The following BTBD8 variants were observed in gnomAD, a reference collection of about 807,000 sequenced individuals.
The protein encoded by BTBD8 is BTB/POZ domain-containing protein 8.
A neutral mutation model predicts 162.9 loss-of-function variants in BTBD8; 110 were observed. That is an observed-to-expected ratio of 0.68 (90% CI 0.58 to 0.79). The LOEUF is 0.79. Ranked by LOEUF, BTBD8 falls within the 30% of genes least tolerant of loss-of-function variation. The probability of loss-of-function intolerance (pLI) is 0.00; values close to 1 mark genes in which losing one functional copy is unlikely to be tolerated. For synonymous variants in BTBD8, 667 were observed against 716.1 expected, an observed-to-expected ratio of 0.93 and a Z score of 1.10; for missense variants, 1,905 against 2,085.4, an observed-to-expected ratio of 0.91 and a Z score of 1.68.
chr1:92,124,128 G>C lies in BTBD8; in HGVS notation c.663-5559G>C, dbSNP rs376235891. Among the ~76,000 whole-genome samples, 7 of 152,292 alleles carry C rather than the reference G, an allele frequency of 4.6e-5. No individual in the cohort carries two copies. The East Asian group carries it at 7.7e-4, about 17-fold the overall frequency. ...CTTCCAGCTGTTGCTTTTGCTTTCA[G>C]ATTTGGCAATTGCCTCAATGGAAAA... On this transcript the variant is annotated intron_variant, in intron 4 of 17. Transcript: ENST00000636805.
At chr1:92,136,993 A>C (rs1489627578) in intron 5 of BTBD8, among the ~76,000 whole-genome samples, 1 of 152,214 alleles carries the variant, frequency 6.6e-6, no homozygotes, top group Non-Finnish European at 1.5e-5. Context: ...ATAAAAAGCC[A>C]CATGTCTTGT....
chr1:92,184,692 T>G lies in BTBD8; in HGVS notation c.*362T>G, dbSNP rs1403413166. 1 of 159,582 alleles carries G rather than the reference T, an allele frequency of 6.3e-6. No individual in the cohort carries two copies. The allele number at this position is 159,582 out of a possible 1,614,324, so 9.9% of individuals were successfully genotyped here. On this transcript the variant is annotated 3_prime_UTR_variant, in exon 18 of 18. Coordinates refer to ENST00000636805, the MANE Select transcript of BTBD8 (RefSeq NM_001376131.1). ...GCTCTGCATAGGGTAACATAGTAATTTAACAATAAAAACTTACCGTGCTTG... is the reference window on the plus strand; with the variant it reads ...GCTCTGCATAGGGTAACATAGTAATGTAACAATAAAAACTTACCGTGCTTG...
intron 17 of BTBD8, 73 bp from the exon 18 acceptor site, chr1:92,183,791 G>A: frequency 1.4e-6 from 1 of 709,498 alleles, no homozygotes; most frequent in Non-Finnish European, 2.1e-6. Flanking sequence ...GTTATATTGT[G>A]TTAATATTCT....
intron 5 of BTBD8, among the ~76,000 whole-genome samples, chr1:92,131,069 A>G (rs1443587496): frequency 1.3e-5 from 2 of 152,226 alleles, no homozygotes; most frequent in South Asian, 2.1e-4. Context: ...TCAAATTAAT[A>G]GCAGTTCATA....
At chr1:92,086,211 A>G (rs922743078) in intron 1 of BTBD8, among the ~76,000 whole-genome samples, 3 of 152,118 alleles carry the variant, frequency 2.0e-5, no homozygotes, top group African/African-American at 7.2e-5. Context: ...CCCGGATTCC[A>G]TCCAAGCCAC....
At chr1:92,123,721 G>A (rs1270839820) in intron 4 of BTBD8, among the ~76,000 whole-genome samples, 2 of 139,774 alleles carry the variant, frequency 1.4e-5, no homozygotes, top group Non-Finnish European at 3.0e-5. Context: ...AGCTTGCAGT[G>A]AGCCAAGATC....
At chr1:92,126,933 A>C (rs1301160050) in intron 4 of BTBD8, among the ~76,000 whole-genome samples, 1 of 152,160 alleles carries the variant, frequency 6.6e-6, no homozygotes, top group Non-Finnish European at 1.5e-5. Flanking sequence ...GATACAGAAA[A>C]ATCTTAATAT....
chr1:92,173,948 TTTG>T (rs561027325), intron 13 of BTBD8, among the ~76,000 whole-genome samples: 4 of 151,818 alleles, frequency 2.6e-5, no homozygotes, highest in Non-Finnish European at 5.9e-5. Context: ...GTTTGTTTGT[TTTG>T]TTGTGGTGGT....
intron 9 of BTBD8, among the ~76,000 whole-genome samples, chr1:92,149,032 A>G (rs1029214728): frequency 1.3e-5 from 2 of 152,212 alleles, no homozygotes; most frequent in Non-Finnish European, 2.9e-5. Flanking sequence ...ATAAGAAACT[A>G]TGAACAGTGA....
At position 92,089,642 on chromosome 1, in the gene BTBD8, C is replaced by T. The variant is rs114955083; in HGVS notation, c.347+747C>T. ...GAAGATAGCGTCTTCTCTGTGCCCT[C>T]ACATGGCAAAAGAGATAAACAAACT... On this transcript the variant is annotated intron_variant, in intron 2 of 17. Transcript: ENST00000636805. Among the ~76,000 whole-genome samples the T allele has an allele frequency of 6.4e-3, 979 of 152,248 alleles. 8 individuals carry two copies. The highest frequency in any genetic ancestry group is 0.024 in the Middle Eastern group (7 of 294).
At chr1:92,082,950 CT>C (rs772337709) in intron 1 of BTBD8, among the ~76,000 whole-genome samples, 5 of 152,002 alleles carry the variant, frequency 3.3e-5, no homozygotes, top group Non-Finnish European at 5.9e-5. Context: ...TGAGGTAAGT[CT>C]TGTTATTCTC....
intron 4 of BTBD8, among the ~76,000 whole-genome samples, chr1:92,109,890 T>C (rs1451024959): frequency 6.6e-6 from 1 of 152,232 alleles, no homozygotes; most frequent in African/African-American, 2.4e-5. Flanking sequence ...TTTTTAATTA[T>C]ACATACTTAT....
chr1:92,135,023 C>A (rs937015089), intron 5 of BTBD8, among the ~76,000 whole-genome samples: 1 of 151,640 alleles, frequency 6.6e-6, no homozygotes, highest in African/African-American at 2.4e-5. Context: ...TCCTGAGTAG[C>A]TGGGATTACA....
intron 1 of BTBD8, among the ~76,000 whole-genome samples, chr1:92,085,567 A>G (rs1648135679): frequency 6.6e-6 from 1 of 152,112 alleles, no homozygotes; most frequent in Non-Finnish European, 1.5e-5. Flanking sequence ...AGGCCGAGGC[A>G]GGAGAATCGC....
At chr1:92,129,403 G>A (rs528204318) in intron 4 of BTBD8, among the ~76,000 whole-genome samples, 4 of 152,034 alleles carry the variant, frequency 2.6e-5, no homozygotes, top group African/African-American at 4.8e-5. Flanking sequence ...AGGATCATAC[G>A]TGAGTCTAGG....
intron 9 of BTBD8, among the ~76,000 whole-genome samples, chr1:92,149,314 G>C (rs1028466523): frequency 6.6e-6 from 1 of 152,158 alleles, no homozygotes; most frequent in Non-Finnish European, 1.5e-5. Flanking sequence ...AAAGAAAACT[G>C]AATCAGATTG....
At chr1:92,156,585 T>C (rs1405085500) in intron 9 of BTBD8, among the ~76,000 whole-genome samples, 2 of 152,182 alleles carry the variant, frequency 1.3e-5, no homozygotes, top group Non-Finnish European at 2.9e-5. Context: ...TTTTCTTTGA[T>C]GGGAGACTTT....
chr1:92,172,597 T>C (rs1449491834), intron 13 of BTBD8, among the ~76,000 whole-genome samples: 1 of 152,238 alleles, frequency 6.6e-6, no homozygotes, highest in African/African-American at 2.4e-5. Context: ...AAGTACAAAA[T>C]TATTCTAACC....
Position 92,180,460 on chromosome 1 carries a change from C to T in BTBD8, c.2777C>T (p.Ser926Leu). 6.5e-7 allele frequency: 1 copy of T among 1,550,052 alleles called. No individual in the cohort carries two copies. Among genetic ancestry groups the T allele is most frequent in the Non-Finnish European group, 8.7e-7 (1 of 1,146,488 alleles). ...GCAATGCCTAAAAATCTAAATCAGTCAAAGAAAGGTGAAACTTTGAATAAT... is the reference window on the plus strand; with the variant it reads ...GCAATGCCTAAAAATCTAAATCAGTTAAAGAAAGGTGAAACTTTGAATAAT... ...IVAMPKNLNQSKKGETLNNKD... is the reference protein window; with the variant it reads ...IVAMPKNLNQLKKGETLNNKD... Residue 926 changes from serine (S) to leucine (L), a missense_variant, in exon 17 of 18, where the codon TCA becomes TTA. This residue lies in a region of BTBD8 where 1,374 missense variants were observed against 1,442.7 expected (regional missense o/e 0.95). Transcript: ENST00000636805.
Sources: gnomAD v4.1 joint callset for allele counts (sites outside exome capture counted in the v4.1 genomes callset) on GRCh38, gnomAD v4.1.1 for gene constraint, gnomAD v4.1.1 regional missense constraint, MANE v1.5 for transcripts, NCBI Gene and HGNC (gene_info 2026-07-23, HGNC 2026-07-21) for gene names.